Variants in ICA1 observed in about 807,000 individuals in gnomAD.
ICA1 encodes islet cell autoantigen 1.
In ICA1, 40 loss-of-function variants were observed where a neutral mutation model predicts 71.0. That is an observed-to-expected ratio of 0.56 (90% CI 0.44 to 0.73). The LOEUF (loss-of-function observed/expected upper bound fraction) is 0.73. Among genes scored for constraint, ICA1 ranks in the 30% least tolerant of loss-of-function variants. The pLI, the probability that ICA1 is intolerant of heterozygous loss-of-function variation, is 0.00. For missense variants in ICA1, 578 were observed against 576.5 expected, an observed-to-expected ratio of 1.00 and a Z score of -0.03; for synonymous variants, 207 against 209.5, an observed-to-expected ratio of 0.99 and a Z score of 0.10.
intron 6 of ICA1, among the ~76,000 whole-genome samples, chr7:8,160,891 T>C (rs1287424216): frequency 1.3e-5 from 2 of 152,200 alleles, no homozygotes; most frequent in Non-Finnish European, 2.9e-5. Flanking sequence ...TTGAGAGGAA[T>C]AGGAAGGCAG....
rs1791831153 is a variant in ICA1, at chr7:8,132,479, C to G, written c.1061-4337G>C. Among the ~76,000 whole-genome samples the G allele has an allele frequency of 6.6e-6, 1 of 152,212 alleles. No homozygotes were observed. Among genetic ancestry groups the G allele is most frequent in the African/African-American group, 2.4e-5 (1 of 41,448 alleles). On this transcript the variant is annotated intron_variant, in intron 12 of 13. Coordinates refer to ENST00000402384, the MANE Select transcript of ICA1 (RefSeq NM_001136020.3). This position sits in a 1 kb window ranked among gnomAD's most constrained non-coding sequence, Gnocchi z 4.5. Reference sequence around the variant, plus strand: ...TTCTCAGCTGCCTGTAATTAAGTTCCTGCCCCCACCCTATACTGAAATAGC... The same window carrying G: ...TTCTCAGCTGCCTGTAATTAAGTTCGTGCCCCCACCCTATACTGAAATAGC...
At position 8,207,791 on chromosome 7, in the gene ICA1, T is replaced by C. The variant is rs377411189; in HGVS notation, c.579+10514A>G. ...CTGGAGAACAAGGAATCATCCAACA[T>C]CTTTTTTTGCTATTTTAAATCTCAG... On this transcript the variant is annotated intron_variant, in intron 6 of 13. Coordinates refer to ENST00000402384, the MANE Select transcript of ICA1 (RefSeq NM_001136020.3). Among the ~76,000 whole-genome samples, 5 of 152,344 alleles carry C rather than the reference T, an allele frequency of 3.3e-5. No homozygotes were observed. In the East Asian group the frequency reaches 7.7e-4, roughly 23 times the overall value.
At chr7:8,170,288 C>CT (rs559594718) in intron 6 of ICA1, among the ~76,000 whole-genome samples, 21 of 152,130 alleles carry the variant, frequency 1.4e-4, no homozygotes, top group African/African-American at 5.1e-4. Flanking sequence ...AAATCTTACT[C>CT]TTTTGTTCTT....
chr7:8,118,950 C>T (rs1404714462), intron 13 of ICA1, among the ~76,000 whole-genome samples: 2 of 152,162 alleles, frequency 1.3e-5, no homozygotes, highest in African/African-American at 2.4e-5. Flanking sequence ...GCAGGTAGAG[C>T]CCGGGAAGAT....
At chr7:8,118,297 C>T (rs1188411313) in intron 13 of ICA1, among the ~76,000 whole-genome samples, 2 of 152,176 alleles carry the variant, frequency 1.3e-5, no homozygotes, top group Non-Finnish European at 2.9e-5. Context: ...TTCTAAAAGG[C>T]ATTGTTATTC....
At chr7:8,235,643 A>C (rs993092471) in intron 2 of ICA1, among the ~76,000 whole-genome samples, 2 of 152,244 alleles carry the variant, frequency 1.3e-5, no homozygotes, top group African/African-American at 4.8e-5. Flanking sequence ...TGGTGGTAAG[A>C]AAAACTATCA....
Position 8,223,768 on chromosome 7 carries a change from CAAG to C in ICA1, c.257-2373_257-2371del, listed in dbSNP as rs997413890. Among the ~76,000 whole-genome samples, 1 of 151,894 alleles carries C rather than the reference CAAG, an allele frequency of 6.6e-6. No individual in the cohort carries two copies. The highest frequency in any genetic ancestry group is 2.4e-5 in the African/African-American group (1 of 41,350). On this transcript the variant is annotated intron_variant, in intron 4 of 13. Coordinates refer to ENST00000402384, the MANE Select transcript of ICA1 (RefSeq NM_001136020.3). The surrounding 1 kb of genome is among the most constrained non-coding windows in gnomAD (Gnocchi z 4.1). ...CATAGCAAGACCCCTGTCTCTATTA[CAAG>C]AAGAAAGCAAAAACAAAAAAAGATA...
rs145453468 is a variant in ICA1 at position 8,151,226 on chromosome 7, G to T, written c.804+5890C>A. ...TAATATTTTTCCCTTTCCCCTCAGG[G>T]AGGAGTTAGGGAATGAGAGAGGTGG... is the stretch of plus-strand genomic sequence containing the variant. On this transcript the variant is annotated intron_variant, in intron 8 of 13. Transcript: ENST00000402384. Among the ~76,000 whole-genome samples the T allele has an allele frequency of 8.5e-3, 1,301 of 152,318 alleles. 13 individuals carry two copies. Among genetic ancestry groups the T allele is most frequent in the African/African-American group, 0.029 (1,225 of 41,556 alleles).
intron 8 of ICA1, among the ~76,000 whole-genome samples, chr7:8,153,303 G>A (rs1385678825): frequency 6.6e-6 from 1 of 152,168 alleles, no homozygotes; most frequent in East Asian, 1.9e-4. Flanking sequence ...TTAAATACAG[G>A]CACTCTGATC....
At chr7:8,242,306 T>C (rs1410190560) in intron 1 of ICA1, among the ~76,000 whole-genome samples, 2 of 152,224 alleles carry the variant, frequency 1.3e-5, no homozygotes, top group African/African-American at 2.4e-5. Flanking sequence ...TATCTGCTCC[T>C]GAATGACTAC....
chr7:8,184,669 A>G (rs1783326343), intron 6 of ICA1, among the ~76,000 whole-genome samples: 1 of 152,248 alleles, frequency 6.6e-6, no homozygotes, highest in South Asian at 2.1e-4. Context: ...TGTGGATTAA[A>G]AGCCTATTGT....
chr7:8,119,203 G>C (rs1785836645), intron 13 of ICA1, among the ~76,000 whole-genome samples: 3 of 152,178 alleles, frequency 2.0e-5, no homozygotes, highest in Admixed American at 6.5e-5. Context: ...CTCTGACAGA[G>C]TTCCTGGAGG....
intron 4 of ICA1, among the ~76,000 whole-genome samples, chr7:8,224,930 CTTTCTTAGTG>C (rs1293263766): frequency 2.0e-5 from 3 of 152,194 alleles, no homozygotes; most frequent in African/African-American, 7.2e-5. Context: ...GGTGAAGTGT[CTTTCTTAGTG>C]CACAGCATCA....
intron 6 of ICA1, among the ~76,000 whole-genome samples, chr7:8,217,771 T>A (rs1795852991): frequency 6.6e-6 from 1 of 152,206 alleles, no homozygotes. Context: ...TCAGTGCATA[T>A]CCAAATCTTT....
chr7:8,121,843 G>A (rs1398662579), intron 13 of ICA1, among the ~76,000 whole-genome samples: 1 of 152,108 alleles, frequency 6.6e-6, no homozygotes, highest in African/African-American at 2.4e-5. Context: ...CACATTGCAC[G>A]CCTGTATCAA....
chr7:8,200,338 CAAAAAAA>C (rs34371233), intron 6 of ICA1, among the ~76,000 whole-genome samples: 1 of 67,964 alleles, frequency 1.5e-5, no homozygotes, highest in African/African-American at 6.0e-5. Context: ...CACAGTTGAG[CAAAAAAA>C]AAAAAAAAAA....
At position 8,201,699 on chromosome 7, in the gene ICA1, G is replaced by A. The variant is rs183499737; in HGVS notation, c.579+16606C>T. ...TGTGGTATGGAGAAGAAATTCAGAA[G>A]ATCTTCTATGTTTTATGGAAAGAAG... On this transcript the variant is annotated intron_variant, in intron 6 of 13. Coordinates refer to ENST00000402384, the MANE Select transcript of ICA1 (RefSeq NM_001136020.3). Among the ~76,000 whole-genome samples, 3 of 152,314 alleles carry A rather than the reference G, an allele frequency of 2.0e-5. No homozygotes were observed. The East Asian group carries it at 5.8e-4, about 29-fold the overall frequency.
chr7:8,135,665 A>T (rs1793159843), intron 12 of ICA1, among the ~76,000 whole-genome samples: 1 of 152,226 alleles, frequency 6.6e-6, no homozygotes, highest in Non-Finnish European at 1.5e-5. Context: ...TATGGTACCT[A>T]CTGAATGAGC....
chr7:8,245,124 G>A (rs1403145471), intron 1 of ICA1, among the ~76,000 whole-genome samples: 2 of 152,066 alleles, frequency 1.3e-5, no homozygotes, highest in African/African-American at 2.4e-5. Flanking sequence ...TGTTTACTGC[G>A]GCACTATTCA....
Sources: gnomAD v4.1 joint callset for allele counts (sites outside exome capture counted in the v4.1 genomes callset) on GRCh38, gnomAD v4.1.1 for gene constraint, Gnocchi (gnomAD v3.1) non-coding constraint, MANE v1.5 for transcripts, NCBI Gene and HGNC (gene_info 2026-07-23, HGNC 2026-07-21) for gene names.